Variants in GCA observed in about 807,000 individuals in gnomAD.
The protein encoded by GCA is grancalcin, also known as grancalcin, EF-hand calcium-binding protein.
GCA carries 30 observed loss-of-function variants against 32.6 expected under a neutral mutation model. The observed-to-expected ratio is 0.92, with a 90% CI of 0.69 to 1.25. The LOEUF is 1.25. Ranked by LOEUF, GCA falls within the 50% of genes most tolerant of loss-of-function variation. The pLI is 0.00. For missense variants in GCA, 291 were observed against 266.8 expected (o/e 1.09, Z -0.63); for synonymous variants, 102 against 84.6 (o/e 1.21, Z -1.13).
In GCA at chr2:162,332,106, G is replaced by A. The variant is rs186392568; in HGVS notation, c.-31+12881G>A. Reference sequence around the variant, plus strand: ...AGGCAGATCATGAGGTCAGGAGATCGAGACCATCCTGGCTAACATGGTGAA... The same window carrying A: ...AGGCAGATCATGAGGTCAGGAGATCAAGACCATCCTGGCTAACATGGTGAA... On this transcript the variant is annotated intron_variant, in intron 1 of 4. Transcript: ENST00000429691. Among the ~76,000 whole-genome samples the A allele has an allele frequency of 2.9e-4, 44 of 151,828 alleles. No homozygotes were observed. In the East Asian group the frequency reaches 8.3e-3, roughly 29 times the overall value.
intron 1 of GCA, among the ~76,000 whole-genome samples, chr2:162,322,720 C>G (rs1683725561): frequency 6.6e-6 from 1 of 151,206 alleles, no homozygotes; most frequent in South Asian, 2.1e-4. Context: ...ATCCATGTCC[C>G]TACAAAGGAC....
intron 4 of GCA, among the ~76,000 whole-genome samples, chr2:162,368,725 A>G (rs1685833523): frequency 6.6e-6 from 1 of 152,058 alleles, no homozygotes; most frequent in South Asian, 2.1e-4. Context: ...AGAGTAGGAT[A>G]GTTGTGCTCT....
chr2:162,373,452 G>T (rs997028679), downstream of GCA: 7 of 1,477,068 alleles, frequency 4.7e-6, no homozygotes, highest in Non-Finnish European at 6.3e-6. Flanking sequence ...CTCTTGGTTG[G>T]ATGGTATCCA....
chr2:162,359,145 C>T lies in GCA; in HGVS notation c.556C>T (p.Arg186Ter), dbSNP rs141572054. ...TTATGTTGCTTGCTGTGTGAAGCTT[C>T]GAGCATTGACAGGTATTGACTATTT... ...DDYVACCVKLRALTDFFRKRD... is the reference protein window; with the variant it reads ...DDYVACCVKL Residue 186 changes from arginine to a stop codon, truncating the protein, a stop_gained, in exon 6 of 8, where the codon CGA becomes TGA. Transcript: ENST00000437150. LOFTEE classifies it high-confidence loss of function. 2.1e-3 allele frequency: 3,372 copies of T among 1,587,014 alleles called. 14 individuals carry two copies. The highest frequency in any genetic ancestry group is 1.9e-3 in the Non-Finnish European group (2,226 of 1,156,906).
Position 162,347,629 on chromosome 2 carries a change from C to G in GCA, c.79C>G (p.Pro27Ala). Residue 27 changes from proline (P) to alanine (A), a missense_variant, in exon 2 of 8, where the codon CCA becomes GCA. Coordinates refer to ENST00000437150, the MANE Select transcript of GCA (RefSeq NM_012198.5). ...AGGAATGCAGATGGGACAGCCAGTGCCAGAAACAGGCCCAGCTATACTCCT... is the reference window on the plus strand; with the variant it reads ...AGGAATGCAGATGGGACAGCCAGTGGCAGAAACAGGCCCAGCTATACTCCT... ...VPGMQMGQPV[P>A]ETGPAILLDG... is the part of the protein sequence containing the mutation. 4 of 1,609,884 alleles carry G rather than the reference C, an allele frequency of 2.5e-6. No homozygotes were observed. Among genetic ancestry groups the G allele is most frequent in the Non-Finnish European group, 2.5e-6 (3 of 1,177,154 alleles).
intron 1 of GCA, among the ~76,000 whole-genome samples, chr2:162,327,349 T>C (rs758371307): frequency 6.6e-6 from 1 of 152,006 alleles, no homozygotes; most frequent in Non-Finnish European, 1.5e-5. Flanking sequence ...TCAGAAACAT[T>C]GTGGGGGGCA....
At chr2:162,373,690 A>G, downstream of GCA, 2 of 1,420,602 alleles carry the variant, frequency 1.4e-6, no homozygotes, top group Non-Finnish European at 1.9e-6. Context: ...GTAGGAAAAG[A>G]CAGTCTAAAA....
At chr2:162,372,677 CTTAAA>C (rs573178732), downstream of GCA, among the ~76,000 whole-genome samples, 28 of 152,188 alleles carry the variant, frequency 1.8e-4, no homozygotes, top group Admixed American at 6.6e-4. Context: ...TCCAGAACGT[CTTAAA>C]TTAAATTCCC....
chr2:162,339,774 C>T (rs1042856628), upstream of GCA, among the ~76,000 whole-genome samples: 1 of 152,180 alleles, frequency 6.6e-6, no homozygotes, highest in South Asian at 2.1e-4. Context: ...CCTCACCAGG[C>T]ACTGACCTTG....
rs377413955 is a variant in GCA at position 162,345,093 on chromosome 2, ATGGTGGTGG to A, written c.27+853_27+861del. On this transcript the variant is annotated intron_variant, in intron 1 of 7. Transcript: ENST00000437150. Reference sequence around the variant, plus strand: ...GAGTTACTCCTACCCCTTGGAGTTCATGGTGGTGGTGGTGGTGGTGGTGGTGGTGGTGGT... The same window carrying A: ...GAGTTACTCCTACCCCTTGGAGTTCATGGTGGTGGTGGTGGTGGTGGTGGT... Among the ~76,000 whole-genome samples the A allele has an allele frequency of 1.5e-3, 162 of 109,396 alleles. 3 individuals are homozygous for A. In the South Asian group the frequency reaches 0.02, roughly 13 times the overall value. 71.8% of individuals were successfully genotyped at this position (109,396 alleles called of 152,430 possible).
chr2:162,362,677 T>C lies in GCA; in HGVS notation c.*2434T>C. On this transcript the variant is annotated 3_prime_UTR_variant, in exon 8 of 8. Coordinates refer to ENST00000437150, the MANE Select transcript of GCA (RefSeq NM_012198.5). ...ACAAAATCTGTTACATATATATATA[T>C]TATGAGATGCTTCAGTTCAAATAAC... 1.9e-6 allele frequency: 1 copy of C among 530,140 alleles called. No individual in the cohort carries two copies. The highest frequency in any genetic ancestry group is 2.4e-6 in the Non-Finnish European group (1 of 414,368). 32.8% of individuals were successfully genotyped at this position (530,140 alleles called of 1,614,324 possible). A position where few individuals can be genotyped will look rare whatever the true frequency, so the allele number is the denominator to read the frequency against.
Position 162,362,411 on chromosome 2 carries a change from T to G in GCA, c.*2168T>G. On this transcript the variant is annotated 3_prime_UTR_variant, in exon 8 of 8. Transcript: ENST00000437150. ...ATTTTTATACTGAAATACAGTTCAC[T>G]TTTTCGATGCTTTAAAAATAACTGA... 1.0e-6 allele frequency: 1 copy of G among 972,270 alleles called. No homozygotes were observed. Among genetic ancestry groups the G allele is most frequent in the Non-Finnish European group, 1.2e-6 (1 of 818,190 alleles). The allele number at this position is 972,270 out of a possible 1,614,324, so 60.2% of individuals were successfully genotyped here.
intron 1 of GCA, among the ~76,000 whole-genome samples, chr2:162,345,568 G>A (rs115738081): frequency 0.011 from 1,724 of 152,222 alleles, 31 homozygotes; most frequent in African/African-American, 0.037. Context: ...GAATTTGATG[G>A]AGAGTTCCAC....
chr2:162,366,556 G>T (rs1193812897), downstream of GCA, among the ~76,000 whole-genome samples: 4 of 151,828 alleles, frequency 2.6e-5, no homozygotes, highest in African/African-American at 9.7e-5. Context: ...TACCACAAAT[G>T]CATGTGAGGA....
chr2:162,359,118 G>C lies in GCA; in HGVS notation c.529G>C (p.Asp177His), dbSNP rs896884022. Reference sequence around the variant, plus strand: ...CAAGAATGGCAGAATTTTCTTTGATGATTATGTTGCTTGCTGTGTGAAGCT... The same window carrying C: ...CAAGAATGGCAGAATTTTCTTTGATCATTATGTTGCTTGCTGTGTGAAGCT... ...YSKNGRIFFD[D>H]YVACCVKLRA... Residue 177 changes from aspartate to histidine, a missense_variant, in exon 6 of 8, where the codon GAT (aspartate) becomes CAT (histidine). Coordinates refer to ENST00000437150, the MANE Select transcript of GCA (RefSeq NM_012198.5). 13 of 1,606,750 alleles carry C rather than the reference G, an allele frequency of 8.1e-6. No individual in the cohort carries two copies. Among genetic ancestry groups the C allele is most frequent in the Non-Finnish European group, 1.1e-5 (13 of 1,174,694 alleles).
chr2:162,362,449 G>A lies in GCA; in HGVS notation c.*2206G>A, dbSNP rs1359263975. The A allele has an allele frequency of 1.0e-6, 1 of 962,562 alleles. No individual in the cohort carries two copies. The allele number at this position is 962,562 out of a possible 1,614,324, so 59.6% of individuals were successfully genotyped here. ...TAAAAATAACTGATATTTTTATGATGAACATGACTGTAATATGAATATAGT... is the reference window on the plus strand; with the variant it reads ...TAAAAATAACTGATATTTTTATGATAAACATGACTGTAATATGAATATAGT... On this transcript the variant is annotated 3_prime_UTR_variant, in exon 8 of 8. Transcript: ENST00000437150.
At chr2:162,346,901 G>A (rs1240097263) in intron 1 of GCA, among the ~76,000 whole-genome samples, 1 of 152,066 alleles carries the variant, frequency 6.6e-6, no homozygotes, top group Non-Finnish European at 1.5e-5. Context: ...TAACATCAGA[G>A]AATCCCACAT....
intron 1 of GCA, 38 bp downstream of exon 1, chr2:162,344,313 C>T (rs779314338): frequency 6.2e-7 from 1 of 1,604,278 alleles, no homozygotes; most frequent in Non-Finnish European, 8.5e-7. Context: ...CTCTTCCTCG[C>T]GGGGTGTGGC....
In GCA at chr2:162,347,554, C is replaced by T. The variant is rs577198096; in HGVS notation, c.28-24C>T. 1.6e-5 allele frequency: 24 copies of T among 1,500,170 alleles called. No individual in the cohort carries two copies. The South Asian group carries it at 2.8e-4, about 17-fold the overall frequency. 92.9% of individuals were successfully genotyped at this position (1,500,170 alleles called of 1,614,324 possible). A position where few individuals can be genotyped will look rare whatever the true frequency, so the allele number is the denominator to read the frequency against. ...TAATAGGTAGTATTTATATTACTAA[C>T]CTTCTCCCCTTTCACTATTATAGTT... On this transcript the variant is annotated intron_variant, in intron 1 of 7. Transcript: ENST00000437150.
Sources: allele counts gnomAD v4.1 joint callset (sites outside exome capture counted in the v4.1 genomes callset), GRCh38; gene constraint gnomAD v4.1.1; transcripts MANE v1.5; gene names NCBI Gene and HGNC (gene_info 2026-07-23, HGNC 2026-07-21).